Variants in GMDS observed in about 807,000 individuals in gnomAD.
The protein encoded by GMDS is GDP-mannose 4,6 dehydratase.
In GMDS, 20 loss-of-function variants were observed where a neutral mutation model predicts 49.9. That is an observed-to-expected ratio of 0.40 (90% CI 0.28 to 0.58). The LOEUF is 0.58. GMDS is among the 20% of genes least tolerant of loss of function. The pLI is 0.42. For missense variants in GMDS, 362 were observed against 481.4 expected, an observed-to-expected ratio of 0.75 and a Z score of 2.32; for synonymous variants, 177 against 178.6, an observed-to-expected ratio of 0.99 and a Z score of 0.07.
chr6:2,083,032 A>G (rs1772806136), intron 4 of GMDS, among the ~76,000 whole-genome samples: 1 of 152,250 alleles, frequency 6.6e-6, no homozygotes, highest in Non-Finnish European at 1.5e-5. Context: ...ATCATCATTT[A>G]TAAAACACAG....
chr6:2,063,151 G>A (rs1181771739), intron 4 of GMDS, among the ~76,000 whole-genome samples: 1 of 152,068 alleles, frequency 6.6e-6, no homozygotes, highest in Non-Finnish European at 1.5e-5. Flanking sequence ...AACTTTAAAG[G>A]TATCAAATAA....
At chr6:2,162,659 AACACACACACAC>A (rs67198377) in intron 1 of GMDS, among the ~76,000 whole-genome samples, 1,693 of 135,816 alleles carry the variant, frequency 0.012, 28 homozygotes, top group African/African-American at 0.038. Flanking sequence ...ATAACATTCC[AACACACACACAC>A]ACACACACAC....
At chr6:1,965,474 T>C (rs1467095115) in intron 4 of GMDS, among the ~76,000 whole-genome samples, 1 of 152,068 alleles carries the variant, frequency 6.6e-6, no homozygotes, top group Non-Finnish European at 1.5e-5. Flanking sequence ...AATTAAGTGG[T>C]TTCCTTAAAA....
intron 7 of GMDS, among the ~76,000 whole-genome samples, chr6:1,775,561 G>A (rs779558606): frequency 1.3e-5 from 2 of 152,166 alleles, no homozygotes; most frequent in African/African-American, 2.4e-5. Flanking sequence ...AACCTTCCTT[G>A]ACCTCATGTT....
intron 1 of GMDS, among the ~76,000 whole-genome samples, chr6:2,218,752 T>C (rs1315575749): frequency 6.6e-6 from 1 of 152,208 alleles, no homozygotes; most frequent in Non-Finnish European, 1.5e-5. Context: ...CACCAGATCA[T>C]TTATTGAGAG....
intron 8 of GMDS, among the ~76,000 whole-genome samples, chr6:1,731,302 G>A (rs1207874100): frequency 1.3e-5 from 2 of 152,218 alleles, no homozygotes. Context: ...AAAAAATGGA[G>A]CAGAGCAAAC....
intron 7 of GMDS, among the ~76,000 whole-genome samples, chr6:1,750,499 T>C (rs963567075): frequency 1.6e-4 from 25 of 152,200 alleles, no homozygotes; most frequent in African/African-American, 6.0e-4. Context: ...CTCCATCCCC[T>C]AGCCAAGGGA....
intron 4 of GMDS, among the ~76,000 whole-genome samples, chr6:1,965,399 C>T (rs562757565): frequency 6.6e-6 from 1 of 152,226 alleles, no homozygotes; most frequent in South Asian, 2.1e-4. Flanking sequence ...ATTCAACATG[C>T]TACAGGATAA....
At chr6:1,727,085 T>G (rs1277818382) in intron 8 of GMDS, among the ~76,000 whole-genome samples, 1 of 152,172 alleles carries the variant, frequency 6.6e-6, no homozygotes, top group African/African-American at 2.4e-5. Flanking sequence ...TCTCAGATGA[T>G]TAAACCTCCA....
At chr6:1,980,704 G>A (rs553568911) in intron 4 of GMDS, among the ~76,000 whole-genome samples, 1 of 152,234 alleles carries the variant, frequency 6.6e-6, no homozygotes, top group African/African-American at 2.4e-5. Context: ...AAGAGGATCT[G>A]ATAGATATTT....
At chr6:1,797,728 C>T (rs1363251679) in intron 7 of GMDS, among the ~76,000 whole-genome samples, 17 of 152,262 alleles carry the variant, frequency 1.1e-4, no homozygotes, top group Admixed American at 2.6e-4. Flanking sequence ...GTGGCAGAGC[C>T]GGTATCTGAA....
chr6:2,133,083 T>C (rs1451845033), intron 1 of GMDS, among the ~76,000 whole-genome samples: 1 of 152,214 alleles, frequency 6.6e-6, no homozygotes, highest in East Asian at 1.9e-4. Flanking sequence ...GCAAAGTCCA[T>C]GCTTTGCAGT....
rs1035425627 is a variant in GMDS, at chr6:2,128,326, C to G, written c.103-3595G>C. 1.9e-4 allele frequency among the ~76,000 whole-genome samples: 29 copies of G among 152,034 alleles called. 1 individual carries two copies. Among genetic ancestry groups the G allele is most frequent in the African/African-American group, 6.5e-4 (27 of 41,366 alleles). On this transcript the variant is annotated intron_variant, in intron 1 of 10. Transcript: ENST00000380815. ...AGTAACTCAGATTACAGGTGCCCACCACCACACCCAGCTAATTTTTTGTAT... is the reference window on the plus strand; with the variant it reads ...AGTAACTCAGATTACAGGTGCCCACGACCACACCCAGCTAATTTTTTGTAT...
At position 1,676,565 on chromosome 6, in the gene GMDS, C is replaced by A. The variant is rs576473762; in HGVS notation, c.987+49851G>T. On this transcript the variant is annotated intron_variant, in intron 9 of 10. Coordinates refer to ENST00000380815, the MANE Select transcript of GMDS (RefSeq NM_001500.4). ...AGGCTACAGTAACCAAAACAGCATGCTACTGGTACCAAAACAGAGATATAG... is the reference window on the plus strand; with the variant it reads ...AGGCTACAGTAACCAAAACAGCATGATACTGGTACCAAAACAGAGATATAG... Among the ~76,000 whole-genome samples the A allele has an allele frequency of 5.9e-5, 9 of 152,228 alleles. No homozygotes were observed. The South Asian group carries it at 1.5e-3, about 25-fold the overall frequency.
intron 4 of GMDS, among the ~76,000 whole-genome samples, chr6:2,021,165 C>G: frequency 6.6e-6 from 1 of 152,204 alleles, no homozygotes; most frequent in Non-Finnish European, 1.5e-5. Flanking sequence ...TGTAGTGATT[C>G]TATTTGATGA....
intron 7 of GMDS, among the ~76,000 whole-genome samples, chr6:1,786,959 C>T (rs1477060631): frequency 1.3e-5 from 2 of 152,170 alleles, no homozygotes; most frequent in African/African-American, 2.4e-5. Flanking sequence ...TACAGCCTCG[C>T]GCCACTCTGC....
intron 7 of GMDS, among the ~76,000 whole-genome samples, chr6:1,890,275 T>C (rs1391840374): frequency 1.3e-5 from 2 of 152,066 alleles, no homozygotes; most frequent in African/African-American, 4.8e-5. Flanking sequence ...CTAGTGGGGG[T>C]GAAGTGGTAT....
intron 4 of GMDS, among the ~76,000 whole-genome samples, chr6:2,102,259 CA>C: frequency 6.6e-6 from 1 of 151,768 alleles, no homozygotes; most frequent in South Asian, 2.1e-4. Flanking sequence ...TTTAAAAGCC[CA>C]TTTAAAAATT....
intron 4 of GMDS, among the ~76,000 whole-genome samples, chr6:2,080,253 CT>C (rs565750765): frequency 5.0e-4 from 76 of 152,214 alleles, no homozygotes; most frequent in African/African-American, 1.7e-3. Context: ...TCATAATTCC[CT>C]GGTATCTCAC....
Sources: allele counts gnomAD v4.1 joint callset (sites outside exome capture counted in the v4.1 genomes callset), GRCh38; gene constraint gnomAD v4.1.1; transcripts MANE v1.5; gene names NCBI Gene and HGNC (gene_info 2026-07-23, HGNC 2026-07-21).